The following CTXND1 variants were observed in gnomAD, a reference collection of about 807,000 sequenced individuals.
The protein encoded by CTXND1 is cortexin domain-containing 1 protein.
chr15:80,222,146 T>C (rs1567131312), intron 1 of CTXND1, among the ~76,000 whole-genome samples: 4 of 152,334 alleles, frequency 2.6e-5, no homozygotes, highest in East Asian at 1.9e-4. Flanking sequence ...TATTTCTTCA[T>C]GGCTATTTGA....
rs184798662 is a variant in CTXND1, at chr15:80,199,314, C to G, written c.*2456G>C. ...GTGAGTTTGGGTTTCTAACAAGCTC[C>G]TCAAGTATTGCAGAGGCTGTTTGTC... On this transcript the variant is annotated 3_prime_UTR_variant, in exon 3 of 3. Transcript: ENST00000560778. 6.6e-6 allele frequency: 1 copy of G among 152,316 alleles called. No individual in the cohort carries two copies. The highest frequency in any genetic ancestry group is 1.5e-5 in the Non-Finnish European group (1 of 68,042). The allele number at this position is 152,316 out of a possible 1,614,324, so 9.4% of individuals were successfully genotyped here. A position where few individuals can be genotyped will look rare whatever the true frequency, so the allele number is the denominator to read the frequency against.
intron 1 of CTXND1, among the ~76,000 whole-genome samples, chr15:80,241,233 G>A (rs1893562504): frequency 6.6e-6 from 1 of 152,236 alleles, no homozygotes. Flanking sequence ...CACTCTCCAG[G>A]GTCAGGATTC....
intron 1 of CTXND1, among the ~76,000 whole-genome samples, chr15:80,220,204 C>CT (rs1893300648): frequency 6.6e-6 from 1 of 151,708 alleles, no homozygotes; most frequent in Non-Finnish European, 1.5e-5. Context: ...AATTCTACAA[C>CT]TTTGTTTTTC....
intron 1 of CTXND1, among the ~76,000 whole-genome samples, chr15:80,241,542 A>G (rs1893567130): frequency 6.6e-6 from 1 of 152,148 alleles, no homozygotes; most frequent in Non-Finnish European, 1.5e-5. Context: ...TCAGACATGT[A>G]AGGGCTTCAG....
intron 1 of CTXND1, among the ~76,000 whole-genome samples, chr15:80,237,681 G>A (rs1434889989): frequency 6.6e-6 from 1 of 152,180 alleles, no homozygotes; most frequent in Non-Finnish European, 1.5e-5. Flanking sequence ...CACTATGTTT[G>A]TGTTTCAAGC....
chr15:80,219,942 C>T (rs148688191), intron 1 of CTXND1, among the ~76,000 whole-genome samples: 16 of 152,304 alleles, frequency 1.1e-4, no homozygotes, highest in South Asian at 4.1e-4. Context: ...CCTCCCGCCC[C>T]GCAATCTGTG....
chr15:80,236,271 G>T (rs1324924609), intron 1 of CTXND1, among the ~76,000 whole-genome samples: 1 of 151,880 alleles, frequency 6.6e-6, no homozygotes. Context: ...GAAACAAAAC[G>T]ATTAAAATCA....
At position 80,234,476 on chromosome 15, in the gene CTXND1, C is replaced by CTT. The variant is rs5814009; in HGVS notation, c.-218+17529_-218+17530dup. ...TATTATTCCACAATTTGAACATGCC[C>CTT]TTTTTTTTTTTTTTTTTCTGAGAGG... On this transcript the variant is annotated intron_variant, in intron 1 of 2. Transcript: ENST00000560778. Among the ~76,000 whole-genome samples, 55 of 133,756 alleles carry CTT rather than the reference C, an allele frequency of 4.1e-4. 1 individual carries two copies. Among genetic ancestry groups the CTT allele is most frequent in the Non-Finnish European group, 5.2e-4 (33 of 63,248 alleles). 87.7% of individuals were successfully genotyped at this position (133,756 alleles called of 152,430 possible).
chr15:80,250,793 C>T (rs992571013), intron 1 of CTXND1, among the ~76,000 whole-genome samples: 1 of 152,146 alleles, frequency 6.6e-6, no homozygotes, highest in African/African-American at 2.4e-5. Flanking sequence ...ACCTTTAAAG[C>T]CTTGAATGTT....
At chr15:80,225,578 C>T (rs1893363084) in intron 1 of CTXND1, among the ~76,000 whole-genome samples, 1 of 152,096 alleles carries the variant, frequency 6.6e-6, no homozygotes, top group Non-Finnish European at 1.5e-5. Context: ...TGAGGAATTC[C>T]TCAAGTTGGT....
At chr15:80,220,112 A>G (rs1893296423) in intron 1 of CTXND1, among the ~76,000 whole-genome samples, 1 of 101,308 alleles carries the variant, frequency 9.9e-6, no homozygotes, top group Admixed American at 9.2e-5. Context: ...CTATCTATCT[A>G]TCTATCTATC....
chr15:80,211,724 T>C (rs1477298280), intron 1 of CTXND1, among the ~76,000 whole-genome samples: 1 of 152,180 alleles, frequency 6.6e-6, no homozygotes, highest in African/African-American at 2.4e-5. Flanking sequence ...AACACCATTT[T>C]AGATAAAAGT....
At chr15:80,219,687 G>T (rs1368983796) in intron 1 of CTXND1, among the ~76,000 whole-genome samples, 1 of 152,202 alleles carries the variant, frequency 6.6e-6, no homozygotes, top group Non-Finnish European at 1.5e-5. Flanking sequence ...CTTGGCATGA[G>T]CTGGTATTAT....
At chr15:80,207,864 A>G (rs931646917) in intron 1 of CTXND1, among the ~76,000 whole-genome samples, 2 of 152,230 alleles carry the variant, frequency 1.3e-5, no homozygotes, top group African/African-American at 4.8e-5. Flanking sequence ...TGGGATGTTT[A>G]CTTGAGCTGT....
At chr15:80,247,877 C>G (rs756285948) in intron 1 of CTXND1, among the ~76,000 whole-genome samples, 1 of 152,180 alleles carries the variant, frequency 6.6e-6, no homozygotes, top group Non-Finnish European at 1.5e-5. Context: ...CCGCACAATT[C>G]TGCCATACTG....
intron 1 of CTXND1, among the ~76,000 whole-genome samples, chr15:80,210,959 A>T (rs972420936): frequency 2.6e-5 from 4 of 152,126 alleles, no homozygotes; most frequent in Non-Finnish European, 4.4e-5. Flanking sequence ...ACCCCACCTT[A>T]TGACTCATGT....
chr15:80,211,318 C>G (rs536271225), intron 1 of CTXND1, among the ~76,000 whole-genome samples: 2 of 152,200 alleles, frequency 1.3e-5, no homozygotes, highest in African/African-American at 4.8e-5. Context: ...AAGAAGAATC[C>G]GAGTTGACCA....
intron 1 of CTXND1, among the ~76,000 whole-genome samples, chr15:80,240,017 G>A (rs1245908449): frequency 3.3e-5 from 5 of 152,154 alleles, no homozygotes; most frequent in Admixed American, 6.5e-5. Flanking sequence ...CCAGGCTGGA[G>A]TGCAATGGCA....
chr15:80,202,847 G>C (rs568596590), intron 2 of CTXND1, among the ~76,000 whole-genome samples: 2 of 152,204 alleles, frequency 1.3e-5, no homozygotes, highest in South Asian at 4.1e-4. Context: ...TGGCAGTCAC[G>C]TGGAAGAGTC....
Sources: allele counts gnomAD v4.1 joint callset (sites outside exome capture counted in the v4.1 genomes callset), GRCh38; gene constraint gnomAD v4.1.1; transcripts MANE v1.5; gene names NCBI Gene and HGNC (gene_info 2026-07-23, HGNC 2026-07-21).